Variants in NPHP4 observed in about 807,000 individuals in gnomAD.
The protein encoded by NPHP4 is nephrocystin-4.
NPHP4 carries 151 observed loss-of-function variants against 155.8 expected under a neutral mutation model. The observed-to-expected ratio is 0.97, with a 90% CI of 0.85 to 1.11. NPHP4 has a LOEUF of 1.11. NPHP4 is among the 50% of genes least tolerant of loss of function. The pLI is 0.00. For synonymous variants in NPHP4, 845 were observed against 816.8 expected (o/e 1.03, Z -0.59); for missense variants, 1,956 against 1,925.7 (o/e 1.02, Z -0.29).
intron 16 of NPHP4, among the ~76,000 whole-genome samples, chr1:5,901,459 T>C (rs540016598): frequency 1.3e-5 from 2 of 152,386 alleles, no homozygotes; most frequent in African/African-American, 2.4e-5. Flanking sequence ...GGGGTTTTTT[T>C]GGACTTCAAC....
At chr1:5,904,273 G>A (rs1428860346) in intron 16 of NPHP4, among the ~76,000 whole-genome samples, 3 of 152,180 alleles carry the variant, frequency 2.0e-5, no homozygotes, top group Admixed American at 6.5e-5. Context: ...CTAGATATTT[G>A]ATGATATTAG....
Position 5,864,704 on chromosome 1 carries a change from G to C in NPHP4, c.3817-187C>G, listed in dbSNP as rs1570036466. 6 of 557,464 alleles carry C rather than the reference G, an allele frequency of 1.1e-5. No individual in the cohort carries two copies. The East Asian group carries it at 1.7e-4, about 16-fold the overall frequency. The allele number at this position is 557,464 out of a possible 1,614,324, so 34.5% of individuals were successfully genotyped here. Reference sequence around the variant, plus strand: ...CGCGACTTGGGTCCACACCAGGCAAGTCCCTCCTCTCACACGGCGACTATT... The same window carrying C: ...CGCGACTTGGGTCCACACCAGGCAACTCCCTCCTCTCACACGGCGACTATT... On this transcript the variant is annotated intron_variant, in intron 27 of 29. Transcript: ENST00000378156.
chr1:5,864,793 G>A lies in NPHP4; in HGVS notation c.3817-276C>T, dbSNP rs191085052. 8.9e-5 allele frequency: 48 copies of A among 537,628 alleles called. No individual in the cohort carries two copies. In the East Asian group the frequency reaches 1.4e-3, roughly 15 times the overall value. The allele number at this position is 537,628 out of a possible 1,614,324, so 33.3% of individuals were successfully genotyped here. On this transcript the variant is annotated intron_variant, in intron 27 of 29. Transcript: ENST00000378156. ...TTGGGCTTAAAACCCCGGCCAGCTG[G>A]TGGCACCAGGGGCCGCCCTCCCACC... is the stretch of plus-strand genomic sequence containing the variant.
intron 10 of NPHP4, among the ~76,000 whole-genome samples, chr1:5,929,020 A>C (rs1646149424): frequency 6.6e-6 from 1 of 151,650 alleles, no homozygotes; most frequent in South Asian, 2.1e-4. Context: ...CAGATCCCCT[A>C]ACTATTTTGT....
chr1:5,891,681 G>A (rs903834643), intron 16 of NPHP4, among the ~76,000 whole-genome samples: 3 of 152,270 alleles, frequency 2.0e-5, no homozygotes, highest in Non-Finnish European at 4.4e-5. Context: ...CAGCAATGGT[G>A]AGAAGCATTT....
At chr1:5,973,630 C>T (rs1052917345) in intron 3 of NPHP4, among the ~76,000 whole-genome samples, 1 of 152,222 alleles carries the variant, frequency 6.6e-6, no homozygotes, top group African/African-American at 2.4e-5. Flanking sequence ...GAACACACAA[C>T]AACAAAATTG....
At position 5,976,340 on chromosome 1, in the gene NPHP4, CG is replaced by C. The variant is rs1406036138; in HGVS notation, c.279+1929del. Reference sequence around the variant, plus strand: ...ATGCTTCTGAGCCGATGCCTGGCCACGGGAAGCGCCTCCCGGTGAAGGATGG... The same window carrying C: ...ATGCTTCTGAGCCGATGCCTGGCCACGGAAGCGCCTCCCGGTGAAGGATGG... On this transcript the variant is annotated intron_variant, in intron 3 of 29. Coordinates refer to ENST00000378156, the MANE Select transcript of NPHP4 (RefSeq NM_015102.5). Among the ~76,000 whole-genome samples, 4 of 152,150 alleles carry C rather than the reference CG, an allele frequency of 2.6e-5. No individual in the cohort carries two copies. The East Asian group carries it at 7.7e-4, about 29-fold the overall frequency.
chr1:5,905,919 A>C lies in NPHP4; in HGVS notation c.1612-136T>G. The C allele has an allele frequency of 1.4e-6, 1 of 726,628 alleles. No homozygotes were observed. The highest frequency in any genetic ancestry group is 2.0e-5 in the South Asian group (1 of 49,518). The allele number at this position is 726,628 out of a possible 1,614,324, so 45.0% of individuals were successfully genotyped here. A position where few individuals can be genotyped will look rare whatever the true frequency, so the allele number is the denominator to read the frequency against. On this transcript the variant is annotated intron_variant, in intron 13 of 29. Transcript: ENST00000378156. The surrounding 1 kb of genome is among the most constrained non-coding windows in gnomAD (Gnocchi z 4.0). The stretch of plus-strand genomic sequence containing the variant: ...CAGCTCTAGCAAATACAAAAGGTTC[A>C]ATTACACTTGAATTTCAGGTAAACA...
Position 5,952,894 on chromosome 1 carries a change from C to G in NPHP4, c.674-58G>C, listed in dbSNP as rs553753418. Reference sequence around the variant, plus strand: ...TTGGGAATAAAACACCCACTGGCAGCCACCGAGGGTCCCTACCCACCCCAG... The same window carrying G: ...TTGGGAATAAAACACCCACTGGCAGGCACCGAGGGTCCCTACCCACCCCAG... On this transcript the variant is annotated intron_variant, in intron 6 of 29. Transcript: ENST00000378156. The G allele has an allele frequency of 2.0e-6, 3 of 1,500,386 alleles. No individual in the cohort carries two copies. In the Admixed American group the frequency reaches 6.0e-5, roughly 30 times the overall value. The allele number at this position is 1,500,386 out of a possible 1,614,324, so 92.9% of individuals were successfully genotyped here. A position where few individuals can be genotyped will look rare whatever the true frequency, so the allele number is the denominator to read the frequency against.
intron 16 of NPHP4, among the ~76,000 whole-genome samples, chr1:5,903,516 G>A (rs565422379): frequency 1.3e-5 from 2 of 152,096 alleles, no homozygotes; most frequent in Non-Finnish European, 2.9e-5. Context: ...GACCAAGATG[G>A]GGAAACTGAC....
chr1:5,875,013 T>C lies in NPHP4; in HGVS notation c.2905A>G (p.Ser969Gly). ...RERTKAESIA[S>G]LLSLAITTEH... ...GTGGTGATGGCCAGGCTCAGCAGGCTGGCGATGCTCTCGGCCTTCGTGCGT... is the reference window on the plus strand; with the variant it reads ...GTGGTGATGGCCAGGCTCAGCAGGCCGGCGATGCTCTCGGCCTTCGTGCGT... Residue 969 changes from serine to glycine, a missense_variant, in exon 21 of 30, where the codon AGC becomes GGC. Coordinates refer to ENST00000378156, the MANE Select transcript of NPHP4 (RefSeq NM_015102.5). The C allele has an allele frequency of 6.2e-7, 1 of 1,611,634 alleles. No homozygotes were observed.
intron 11 of NPHP4, among the ~76,000 whole-genome samples, chr1:5,916,726 T>C (rs1325744760): frequency 6.6e-6 from 1 of 152,236 alleles, no homozygotes; most frequent in Non-Finnish European, 1.5e-5. Context: ...GAAGTCAAGC[T>C]AGGCCGGGTG....
intron 5 of NPHP4, among the ~76,000 whole-genome samples, chr1:5,965,521 C>T (rs937750020): frequency 6.6e-6 from 1 of 152,128 alleles, no homozygotes; most frequent in African/African-American, 2.4e-5. Context: ...TCTTCAGCAA[C>T]GAAATGAAGT....
intron 18 of NPHP4, 108 bp from the exon 19 acceptor site, chr1:5,880,347 C>T (rs1259240226): frequency 1.2e-5 from 13 of 1,099,458 alleles, no homozygotes; most frequent in Non-Finnish European, 1.6e-5. Context: ...CCTATCTACA[C>T]CCTGACACGC....
At chr1:5,873,407 C>T (rs150625643) in intron 22 of NPHP4, 72 bp from the exon 23 acceptor site, 1,420 of 1,195,388 alleles carry the variant, frequency 1.2e-3, no homozygotes, top group Non-Finnish European at 1.5e-3. Context: ...TGCTTAGAGA[C>T]ACCACTGCCA....
At chr1:5,953,101 C>T (rs1648507015) in intron 6 of NPHP4, among the ~76,000 whole-genome samples, 1 of 151,712 alleles carries the variant, frequency 6.6e-6, no homozygotes, top group African/African-American at 2.4e-5. Context: ...TGTTTTTCTG[C>T]TTGTTTGTTT....
chr1:5,992,377 C>G lies in NPHP4; in HGVS notation c.-172G>C, dbSNP rs924237763. 1 of 152,390 alleles carries G rather than the reference C, an allele frequency of 6.6e-6. No individual in the cohort carries two copies. Among genetic ancestry groups the G allele is most frequent in the South Asian group, 2.1e-4 (1 of 4,838 alleles). 9.4% of individuals were successfully genotyped at this position (152,390 alleles called of 1,614,324 possible). ...CACAAGCCTGAGGACCGAGGACTGG[C>G]CGAGGGGCGCGCCCCGTCCGCTGCC... On this transcript the variant is annotated 5_prime_UTR_variant, in exon 1 of 30. Coordinates refer to ENST00000378156, the MANE Select transcript of NPHP4 (RefSeq NM_015102.5).
chr1:5,971,438 T>G (rs1430640184), intron 3 of NPHP4, among the ~76,000 whole-genome samples: 1 of 152,200 alleles, frequency 6.6e-6, no homozygotes, highest in African/African-American at 2.4e-5. Flanking sequence ...TTTCCAAAAA[T>G]CATTTATTGA....
Position 5,969,216 on chromosome 1 carries a change from G to A in NPHP4, c.323C>T (p.Ala108Val). 6.3e-7 allele frequency: 1 copy of A among 1,584,038 alleles called. No individual in the cohort carries two copies. The highest frequency in any genetic ancestry group is 8.6e-7 in the Non-Finnish European group (1 of 1,162,396). ...GCCCTCAGCGACCACTTCCACCACA[G>A]CCACGATATGAGGGTGGTTTAGGGA... ...HTSLNHPHIV[A>V]VVEVVAEGKK... is the part of the protein sequence containing the mutation. Residue 108 changes from alanine (A) to valine (V), a missense_variant, in exon 4 of 30, where the codon GCT becomes GTT. By Grantham distance (64) the Ala-to-Val change is moderately conservative. Transcript: ENST00000378156.
Sources: allele counts gnomAD v4.1 joint callset (sites outside exome capture counted in the v4.1 genomes callset), GRCh38; gene constraint gnomAD v4.1.1; non-coding constraint Gnocchi (gnomAD v3.1); transcripts MANE v1.5; gene names NCBI Gene and HGNC (gene_info 2026-07-23, HGNC 2026-07-21).